WDR59: variants seen among roughly 807,000 people sequenced by gnomAD.
WDR59 encodes WD repeat domain 59, also known as GATOR2 complex protein WDR59.
In WDR59, 100 loss-of-function variants were observed where a neutral mutation model predicts 131.2. The observed-to-expected ratio is 0.76, with a 90% CI of 0.65 to 0.90. WDR59 has a LOEUF of 0.90. Ranked by LOEUF, WDR59 falls within the 40% of genes least tolerant of loss-of-function variation. The probability of loss-of-function intolerance (pLI) is 0.00; values close to 1 mark genes in which losing one functional copy is unlikely to be tolerated. For synonymous variants in WDR59, 601 were observed against 466.2 expected (o/e 1.29, Z -3.72); for missense variants, 1,203 against 1,262.2 (o/e 0.95, Z 0.71).
chr16:74,972,504 C>T (rs1292064669), intron 1 of WDR59, among the ~76,000 whole-genome samples: 2 of 152,020 alleles, frequency 1.3e-5, no homozygotes, highest in African/African-American at 2.4e-5. Context: ...GCAGCAGAAA[C>T]GGTATGCATC....
intron 23 of WDR59, 96 bp from the exon 24 acceptor site, chr16:74,886,492 C>A (rs1181601703): frequency 4.8e-6 from 7 of 1,468,874 alleles, no homozygotes; most frequent in East Asian, 2.3e-5. Flanking sequence ...CAATGGATTT[C>A]CCAGAAGAAA....
chr16:74,922,160 G>A (rs903937306), intron 9 of WDR59, 57 bp from the exon 10 acceptor site: 2 of 1,589,748 alleles, frequency 1.3e-6, no homozygotes, highest in Middle Eastern at 1.7e-4. Context: ...AATCAGCTGA[G>A]TCTTGAGTTT....
chr16:74,887,087 A>G (rs914401008), intron 23 of WDR59, among the ~76,000 whole-genome samples: 2 of 152,228 alleles, frequency 1.3e-5, no homozygotes, highest in African/African-American at 4.8e-5. Context: ...TCCTGCACAC[A>G]AAGAATGGAT....
intron 17 of WDR59, among the ~76,000 whole-genome samples, chr16:74,907,916 C>A (rs1003713023): frequency 6.6e-6 from 1 of 152,126 alleles, no homozygotes; most frequent in Non-Finnish European, 1.5e-5. Context: ...GATAACTTGC[C>A]CAAGGTCATA....
intron 11 of WDR59, among the ~76,000 whole-genome samples, chr16:74,916,958 T>C (rs752965259): frequency 4.6e-5 from 7 of 152,208 alleles, no homozygotes; most frequent in Non-Finnish European, 5.9e-5. Context: ...TGAGATTTGA[T>C]CAAACTGCTC....
At chr16:74,921,496 CT>C (rs962588105) in intron 10 of WDR59, among the ~76,000 whole-genome samples, 15 of 147,130 alleles carry the variant, frequency 1.0e-4, no homozygotes, top group East Asian at 4.0e-4. Flanking sequence ...CATCTGTTTT[CT>C]TTTTTTTTTT....
chr16:74,972,745 C>T (rs1404453106), intron 1 of WDR59, among the ~76,000 whole-genome samples: 1 of 146,142 alleles, frequency 6.8e-6, no homozygotes, highest in African/African-American at 2.5e-5. Flanking sequence ...CACTTGAAAC[C>T]TGGGAGATGG....
Position 74,874,140 on chromosome 16 carries a change from T to C in WDR59, c.*69A>G, listed in dbSNP as rs1964087252. The C allele has an allele frequency of 2.5e-5, 34 of 1,373,348 alleles. No homozygotes were observed. The South Asian group carries it at 4.3e-4, about 17-fold the overall frequency. The allele number at this position is 1,373,348 out of a possible 1,614,324, so 85.1% of individuals were successfully genotyped here. On this transcript the variant is annotated 3_prime_UTR_variant, in exon 26 of 26. Coordinates refer to ENST00000262144, the MANE Select transcript of WDR59 (RefSeq NM_030581.4). ...AACCCAGGTTCTGGAGCCTCTCCCC[T>C]GACAGACAGCTTGTCACCGGCACTT...
chr16:74,955,365 A>C (rs1402211559), intron 3 of WDR59, among the ~76,000 whole-genome samples: 1 of 152,146 alleles, frequency 6.6e-6, no homozygotes, highest in African/African-American at 2.4e-5. Flanking sequence ...CCCCACCACA[A>C]AGAATGACCT....
intron 8 of WDR59, among the ~76,000 whole-genome samples, chr16:74,925,783 C>T (rs1286478360): frequency 1.3e-5 from 2 of 151,658 alleles, no homozygotes; most frequent in Non-Finnish European, 2.9e-5. Context: ...AATCTCAGTG[C>T]TTTGGGAGGC....
Position 74,874,460 on chromosome 16 carries a change from G to A in WDR59, c.2690-16C>T, listed in dbSNP as rs769786149. 6.2e-7 allele frequency: 1 copy of A among 1,611,878 alleles called. No homozygotes were observed. The highest frequency in any genetic ancestry group is 8.5e-7 in the Non-Finnish European group (1 of 1,178,528). On this transcript the variant is annotated splice_polypyrimidine_tract_variant and intron_variant, in intron 25 of 25. Coordinates refer to ENST00000262144, the MANE Select transcript of WDR59 (RefSeq NM_030581.4). ...ACGCCGAACTCTGGAAATGGGCAGGGACGGGCAAAACAAGAGGCAGCATGA... is the reference window on the plus strand; with the variant it reads ...ACGCCGAACTCTGGAAATGGGCAGGAACGGGCAAAACAAGAGGCAGCATGA...
intron 20 of WDR59, among the ~76,000 whole-genome samples, chr16:74,891,543 C>T (rs2144824315): frequency 6.6e-6 from 1 of 152,342 alleles, no homozygotes; most frequent in Admixed American, 6.5e-5. Context: ...TACACATTTC[C>T]TGAATGCCTT....
chr16:74,945,393 C>A (rs758417083), intron 6 of WDR59, among the ~76,000 whole-genome samples: 2 of 151,680 alleles, frequency 1.3e-5, no homozygotes, highest in Admixed American at 6.6e-5. Context: ...AGGAGAATGG[C>A]GAGAACCTGG....
intron 2 of WDR59, among the ~76,000 whole-genome samples, chr16:74,958,592 C>CAAAAA (rs747175030): frequency 0.01 from 136 of 13,234 alleles, 22 homozygotes; most frequent in Non-Finnish European, 0.015. Flanking sequence ...GACTCCATCT[C>CAAAAA]AAAAAAAAAA....
chr16:74,899,082 G>C (rs781655119), intron 18 of WDR59, among the ~76,000 whole-genome samples: 2 of 152,208 alleles, frequency 1.3e-5, no homozygotes, highest in African/African-American at 2.4e-5. Context: ...GGGAGAGGAA[G>C]ACAGAAGAGG....
At chr16:74,962,760 A>C (rs141763437) in intron 2 of WDR59, 7 of 138,192 alleles carry the variant, frequency 5.1e-5, no homozygotes, top group Non-Finnish European at 7.9e-5. Flanking sequence ...CTCTCTATTT[A>C]TTTTTTCTTT....
chr16:74,888,680 AG>A (rs199548852), intron 21 of WDR59, among the ~76,000 whole-genome samples: 1,569 of 152,322 alleles, frequency 0.01, 18 homozygotes, highest in Middle Eastern at 0.031. Context: ...CCCAGCTCCA[AG>A]GAAGAATCAC....
intron 13 of WDR59, among the ~76,000 whole-genome samples, chr16:74,913,024 G>A (rs1966177152): frequency 6.7e-6 from 1 of 149,898 alleles, no homozygotes; most frequent in South Asian, 2.1e-4. Flanking sequence ...TCACAGTGCT[G>A]CAGAGACTTT....
At chr16:74,983,768 G>A (rs1057274160) in intron 1 of WDR59, among the ~76,000 whole-genome samples, 2 of 151,940 alleles carry the variant, frequency 1.3e-5, no homozygotes. Flanking sequence ...TTGAGCCCAG[G>A]AGTTCCATAC....
Sources: allele counts gnomAD v4.1 joint callset (sites outside exome capture counted in the v4.1 genomes callset), GRCh38; gene constraint gnomAD v4.1.1; transcripts MANE v1.5; gene names NCBI Gene and HGNC (gene_info 2026-07-23, HGNC 2026-07-21).